Variants in GAB1 observed in about 807,000 individuals in gnomAD.
GAB1 encodes the protein GRB2 associated binding protein 1.
GAB1 carries 19 observed loss-of-function variants against 66.5 expected under a neutral mutation model. That is an observed-to-expected ratio of 0.29 (90% confidence interval 0.20 to 0.42). The LOEUF (loss-of-function observed/expected upper bound fraction) is 0.42. GAB1 is among the 10% of genes least tolerant of loss of function. The pLI is 1.00. For missense variants in GAB1, 732 were observed against 858.5 expected (o/e 0.85, Z 1.84); for synonymous variants, 294 against 301.4 (o/e 0.98, Z 0.25).
At chr4:143,406,743 A>G (rs936401657) in intron 1 of GAB1, among the ~76,000 whole-genome samples, 5 of 152,214 alleles carry the variant, frequency 3.3e-5, no homozygotes, top group Non-Finnish European at 2.9e-5. Flanking sequence ...TCCGACTCAC[A>G]TGGAACATTG....
chr4:143,438,759 T>C (rs1302393145), intron 4 of GAB1, among the ~76,000 whole-genome samples, 159 bp downstream of exon 4: 1 of 152,212 alleles, frequency 6.6e-6, no homozygotes, highest in Admixed American at 6.5e-5. Flanking sequence ...ATTGCATTCA[T>C]GCTCTGCTGG....
At chr4:143,391,041 A>G (rs1040551491) in intron 1 of GAB1, among the ~76,000 whole-genome samples, 31 of 152,228 alleles carry the variant, frequency 2.0e-4, no homozygotes, top group Non-Finnish European at 1.9e-4. Context: ...GCTGAGTGGT[A>G]TAATTTCTAC....
At chr4:143,455,890 G>A (rs1735160982) in intron 6 of GAB1, among the ~76,000 whole-genome samples, 1 of 152,118 alleles carries the variant, frequency 6.6e-6, no homozygotes, top group South Asian at 2.1e-4. Flanking sequence ...TATCCCTAAA[G>A]GTCTGGAAAG....
intron 1 of GAB1, among the ~76,000 whole-genome samples, chr4:143,374,954 C>T (rs1263923289): frequency 2.6e-5 from 4 of 152,166 alleles, no homozygotes; most frequent in Non-Finnish European, 5.9e-5. Flanking sequence ...CAAGAATGCT[C>T]CTCCAGGAAT....
At chr4:143,341,239 A>T (rs1326883711) in intron 1 of GAB1, among the ~76,000 whole-genome samples, 2 of 152,214 alleles carry the variant, frequency 1.3e-5, no homozygotes, top group Non-Finnish European at 2.9e-5. Context: ...TCATAAACAG[A>T]TTACTGTCAC....
intron 2 of GAB1, among the ~76,000 whole-genome samples, chr4:143,416,826 G>A (rs764411079): frequency 5.3e-5 from 8 of 152,146 alleles, no homozygotes; most frequent in Admixed American, 1.3e-4. Context: ...TTATTGGAAC[G>A]CTAAGCATGT....
intron 1 of GAB1, among the ~76,000 whole-genome samples, chr4:143,400,692 G>A (rs1160619432): frequency 6.6e-6 from 1 of 152,168 alleles, no homozygotes. Flanking sequence ...GCTTGGCTGG[G>A]CGCGATGGCT....
chr4:143,389,311 T>G (rs1191039610), intron 1 of GAB1, among the ~76,000 whole-genome samples: 1 of 152,256 alleles, frequency 6.6e-6, no homozygotes, highest in Admixed American at 6.5e-5. Context: ...TTCACTCATC[T>G]CCTTTTAATT....
chr4:143,408,577 G>T (rs895477948), intron 1 of GAB1, among the ~76,000 whole-genome samples: 1 of 152,052 alleles, frequency 6.6e-6, no homozygotes, highest in Non-Finnish European at 1.5e-5. Context: ...CATTGCTCAT[G>T]TATATATATC....
chr4:143,468,952 GT>G, intron 9 of GAB1, 78 bp from the exon 10 acceptor site: 1 of 1,446,560 alleles, frequency 6.9e-7, no homozygotes. Flanking sequence ...CAGTGGATGT[GT>G]TTTGTGTTTT....
chr4:143,467,205 A>G (rs1054304766), intron 9 of GAB1, among the ~76,000 whole-genome samples: 3 of 152,206 alleles, frequency 2.0e-5, no homozygotes, highest in Non-Finnish European at 4.4e-5. Flanking sequence ...GGAAGATACT[A>G]TCCCACTACT....
At chr4:143,417,540 T>G in intron 2 of GAB1, 1 of 310,046 alleles carries the variant, frequency 3.2e-6, no homozygotes, top group South Asian at 2.7e-5. Flanking sequence ...TCTGAGTAGC[T>G]GGAATTACAG....
At chr4:143,432,600 A>G (rs914351346) in intron 2 of GAB1, among the ~76,000 whole-genome samples, 1 of 149,198 alleles carries the variant, frequency 6.7e-6, no homozygotes, top group Non-Finnish European at 1.5e-5. Flanking sequence ...TATAATAACA[A>G]ATTTTAAGAA....
chr4:143,423,792 G>GTATGTA (rs1553951648), intron 2 of GAB1, among the ~76,000 whole-genome samples: 1 of 67,736 alleles, frequency 1.5e-5, no homozygotes, highest in East Asian at 9.9e-4. Context: ...AAAAAAAAGT[G>GTATGTA]TATATATATA....
At chr4:143,411,261 C>A (rs557212056) in intron 1 of GAB1, among the ~76,000 whole-genome samples, 10 of 152,258 alleles carry the variant, frequency 6.6e-5, no homozygotes, top group African/African-American at 2.4e-4. Flanking sequence ...GAATTTGGTA[C>A]TTTTAAGTTA....
At chr4:143,353,126 A>G (rs2149650138) in intron 1 of GAB1, among the ~76,000 whole-genome samples, 1 of 152,358 alleles carries the variant, frequency 6.6e-6, no homozygotes, top group Non-Finnish European at 1.5e-5. Context: ...GAGATGAAGG[A>G]GGATTAGCTG....
chr4:143,405,351 T>G (rs891758452), intron 1 of GAB1, among the ~76,000 whole-genome samples: 1 of 152,202 alleles, frequency 6.6e-6, no homozygotes, highest in African/African-American at 2.4e-5. Context: ...GTTCCTAATA[T>G]TAACATATTG....
At chr4:143,424,053 T>C (rs1242188794) in intron 2 of GAB1, among the ~76,000 whole-genome samples, 5 of 151,846 alleles carry the variant, frequency 3.3e-5, no homozygotes, top group African/African-American at 1.2e-4. Flanking sequence ...GGCTAGGTGA[T>C]TTTCTTTTCT....
chr4:143,434,347 C>T (rs1289803870), intron 3 of GAB1, among the ~76,000 whole-genome samples: 1 of 151,314 alleles, frequency 6.6e-6, no homozygotes. Context: ...CAGAGCTTAC[C>T]CTAAGCCTTT....
Sources: allele counts gnomAD v4.1 joint callset (sites outside exome capture counted in the v4.1 genomes callset), GRCh38; gene constraint gnomAD v4.1.1; transcripts MANE v1.5; gene names NCBI Gene and HGNC (gene_info 2026-07-23, HGNC 2026-07-21).